Variants in VKORC1L1 observed in about 807,000 individuals in gnomAD.
VKORC1L1 encodes the protein vitamin K epoxide reductase complex subunit 1-like protein 1.
Under a neutral mutation model 18.9 loss-of-function variants are expected in VKORC1L1, and 2 were observed. The observed-to-expected ratio is 0.11, with a 90% CI of 0.04 to 0.33. VKORC1L1 has a LOEUF of 0.33. VKORC1L1 is among the 10% of genes least tolerant of loss of function. The probability of loss-of-function intolerance (pLI) is 1.00; values close to 1 mark genes in which losing one functional copy is unlikely to be tolerated. For missense variants in VKORC1L1, 123 were observed against 224.1 expected, an observed-to-expected ratio of 0.55 and a Z score of 2.88; for synonymous variants, 96 against 100.0, an observed-to-expected ratio of 0.96 and a Z score of 0.24.
At chr7:65,876,795 A>G (rs1265596118) in intron 1 of VKORC1L1, among the ~76,000 whole-genome samples, 1 of 152,178 alleles carries the variant, frequency 6.6e-6, no homozygotes, top group Non-Finnish European at 1.5e-5. Context: ...CTGTAATCCC[A>G]GCAGTTTGGG....
At chr7:65,923,011 CCT>C (rs1583851048) in intron 1 of VKORC1L1, among the ~76,000 whole-genome samples, 2 of 152,062 alleles carry the variant, frequency 1.3e-5, no homozygotes, top group Admixed American at 6.6e-5. Flanking sequence ...CTATTCTTCC[CCT>C]GTTTTTGCTG....
chr7:65,880,864 G>A (rs1192318793), intron 1 of VKORC1L1, among the ~76,000 whole-genome samples: 1 of 152,244 alleles, frequency 6.6e-6, no homozygotes, highest in East Asian at 1.9e-4. Context: ...ACACTGATAA[G>A]ACATAGCACT....
At chr7:65,886,014 T>C (rs1789005506) in intron 1 of VKORC1L1, among the ~76,000 whole-genome samples, 1 of 152,250 alleles carries the variant, frequency 6.6e-6, no homozygotes, top group African/African-American at 2.4e-5. Context: ...CTGTTTATTC[T>C]GGAGTTGCCT....
chr7:65,936,048 T>TA (rs1484254828), intron 1 of VKORC1L1, among the ~76,000 whole-genome samples: 2 of 152,134 alleles, frequency 1.3e-5, no homozygotes. Context: ...GCTCACTGAA[T>TA]CTTCCCTTTG....
chr7:65,940,144 C>G (rs1790011054), intron 1 of VKORC1L1, among the ~76,000 whole-genome samples: 1 of 152,050 alleles, frequency 6.6e-6, no homozygotes, highest in Non-Finnish European at 1.5e-5. Context: ...CCTACCCCAG[C>G]TGCCCGAGTA....
intron 1 of VKORC1L1, among the ~76,000 whole-genome samples, chr7:65,875,272 C>T (rs1788807373): frequency 6.6e-6 from 1 of 152,094 alleles, no homozygotes; most frequent in Admixed American, 6.5e-5. Context: ...ACTTGTTTTG[C>T]AGGTAGTTTA....
intron 1 of VKORC1L1, among the ~76,000 whole-genome samples, chr7:65,892,858 A>G (rs1408668930): frequency 6.6e-6 from 1 of 152,160 alleles, no homozygotes; most frequent in Non-Finnish European, 1.5e-5. Flanking sequence ...TGTCTTAAGT[A>G]CTGTATTTCA....
intron 1 of VKORC1L1, among the ~76,000 whole-genome samples, chr7:65,873,794 C>T (rs1788775173): frequency 1.3e-5 from 2 of 151,430 alleles, no homozygotes; most frequent in Admixed American, 6.6e-5. Context: ...CGCGAGGCAG[C>T]CGGGGAGGGA....
chr7:65,876,163 T>C (rs1396777263), intron 1 of VKORC1L1, among the ~76,000 whole-genome samples: 1 of 152,132 alleles, frequency 6.6e-6, no homozygotes, highest in Non-Finnish European at 1.5e-5. Flanking sequence ...GTAAAAACAA[T>C]AACACACCAC....
At chr7:65,894,856 G>A (rs1789166396) in intron 1 of VKORC1L1, among the ~76,000 whole-genome samples, 3 of 152,264 alleles carry the variant, frequency 2.0e-5, no homozygotes, top group African/African-American at 7.2e-5. Flanking sequence ...GACCAGCTTG[G>A]GCAACACAGT....
chr7:65,948,281 G>A (rs1188509813), intron 1 of VKORC1L1, among the ~76,000 whole-genome samples: 5 of 151,270 alleles, frequency 3.3e-5, no homozygotes, highest in South Asian at 2.1e-4. Flanking sequence ...GAATTATCTA[G>A]CCCAAAATGT....
chr7:65,937,177 A>G (rs180723210), intron 1 of VKORC1L1, among the ~76,000 whole-genome samples: 1 of 152,194 alleles, frequency 6.6e-6, no homozygotes, highest in African/African-American at 2.4e-5. Context: ...CCCTTGGGCA[A>G]TTCTGCAAAG....
At chr7:65,909,850 TGGGATTACA>T (rs1240536502) in intron 1 of VKORC1L1, among the ~76,000 whole-genome samples, 1 of 151,960 alleles carries the variant, frequency 6.6e-6, no homozygotes, top group African/African-American at 2.4e-5. Context: ...CCTGAGTAGC[TGGGATTACA>T]GGCATGTGCC....
upstream of VKORC1L1, among the ~76,000 whole-genome samples, chr7:65,868,657 C>G (rs1467252436): frequency 6.6e-6 from 1 of 152,166 alleles, no homozygotes; most frequent in East Asian, 1.9e-4. Flanking sequence ...AGAATGAAAT[C>G]GTGTCTTTTG....
chr7:65,873,802 G>C (rs1470940923), intron 1 of VKORC1L1, among the ~76,000 whole-genome samples: 1 of 151,806 alleles, frequency 6.6e-6, no homozygotes, highest in African/African-American at 2.4e-5. Flanking sequence ...AGCCGGGGAG[G>C]GATGAGGTGG....
chr7:65,891,907 C>T (rs1583828689), intron 1 of VKORC1L1, among the ~76,000 whole-genome samples: 1 of 152,142 alleles, frequency 6.6e-6, no homozygotes, highest in South Asian at 2.1e-4. Flanking sequence ...CTTACTCATT[C>T]TTTTTAACTG....
intron 1 of VKORC1L1, among the ~76,000 whole-genome samples, chr7:65,895,516 T>TATATATATATAC (rs370356956): frequency 4.1e-4 from 29 of 71,556 alleles, no homozygotes; most frequent in Non-Finnish European, 5.6e-4. Context: ...TATATATATA[T>TATATATATATAC]ACACACACAC....
intron 1 of VKORC1L1, among the ~76,000 whole-genome samples, chr7:65,896,483 C>T (rs540512486): frequency 6.6e-6 from 1 of 152,148 alleles, no homozygotes; most frequent in African/African-American, 2.4e-5. Context: ...ATAATTGCAA[C>T]AGCTTACCCT....
intron 1 of VKORC1L1, among the ~76,000 whole-genome samples, chr7:65,921,005 A>C (rs186102337): frequency 1.3e-5 from 2 of 151,906 alleles, no homozygotes; most frequent in Non-Finnish European, 2.9e-5. Flanking sequence ...GATTTGTACT[A>C]TTTTTGTTTC....
Sources: allele counts gnomAD v4.1 joint callset (sites outside exome capture counted in the v4.1 genomes callset), GRCh38; gene constraint gnomAD v4.1.1; transcripts MANE v1.5; gene names NCBI Gene and HGNC (gene_info 2026-07-23, HGNC 2026-07-21).